The following EXOC6B variants were observed in gnomAD, a reference collection of about 807,000 sequenced individuals.
The protein encoded by EXOC6B is exocyst complex component 6B, also known as SEC15 homolog B.
Under a neutral mutation model 113.5 loss-of-function variants are expected in EXOC6B, and 54 were observed. That is an observed-to-expected ratio of 0.48 (90% CI 0.38 to 0.60). The LOEUF (loss-of-function observed/expected upper bound fraction) is 0.60. EXOC6B is among the 20% of genes least tolerant of loss of function. The pLI, the probability that EXOC6B is intolerant of heterozygous loss-of-function variation, is 0.00. For missense variants in EXOC6B, 797 were observed against 977.5 expected (o/e 0.82, Z 2.46); for synonymous variants, 357 against 339.0 (o/e 1.05, Z -0.58).
chr2:72,191,984 A>G (rs1678867464), intron 20 of EXOC6B, among the ~76,000 whole-genome samples: 1 of 152,174 alleles, frequency 6.6e-6, no homozygotes, highest in African/African-American at 2.4e-5. Flanking sequence ...CAGAAAATAG[A>G]AATATGGAGC....
intron 6 of EXOC6B, among the ~76,000 whole-genome samples, chr2:72,674,180 A>T (rs1558906142): frequency 6.6e-6 from 1 of 152,176 alleles, no homozygotes; most frequent in South Asian, 2.1e-4. Context: ...TATATCAGTG[A>T]CTTTCACCAG....
chr2:72,397,375 C>A (rs1692792644), intron 18 of EXOC6B, among the ~76,000 whole-genome samples: 1 of 151,986 alleles, frequency 6.6e-6, no homozygotes, highest in Admixed American at 6.6e-5. Flanking sequence ...AATCTCAGCA[C>A]TTTGGGAGGC....
intron 20 of EXOC6B, among the ~76,000 whole-genome samples, chr2:72,307,865 G>T (rs935302365): frequency 3.3e-5 from 5 of 152,054 alleles, no homozygotes; most frequent in African/African-American, 7.2e-5. Flanking sequence ...TTCAATAAAG[G>T]TTAATGGATT....
chr2:72,626,618 T>G (rs1193118967), intron 6 of EXOC6B, among the ~76,000 whole-genome samples: 1 of 152,166 alleles, frequency 6.6e-6, no homozygotes, highest in African/African-American at 2.4e-5. Flanking sequence ...TATACCATCA[T>G]GTTAGTTTCT....
chr2:72,745,373 T>C (rs1681626163), intron 1 of EXOC6B, among the ~76,000 whole-genome samples: 1 of 152,174 alleles, frequency 6.6e-6, no homozygotes, highest in Non-Finnish European at 1.5e-5. Flanking sequence ...CTTAGGACCA[T>C]TATGATTGTA....
At chr2:72,805,428 T>C (rs1288248654) in intron 1 of EXOC6B, among the ~76,000 whole-genome samples, 1 of 152,202 alleles carries the variant, frequency 6.6e-6, no homozygotes, top group East Asian at 1.9e-4. Flanking sequence ...GAACTTTGTA[T>C]ACTAAAAGAG....
intron 20 of EXOC6B, among the ~76,000 whole-genome samples, chr2:72,194,967 T>C (rs1365818306): frequency 1.3e-5 from 2 of 152,310 alleles, no homozygotes; most frequent in East Asian, 1.9e-4. Context: ...TGCAGCTCCC[T>C]GCTTTCCCTG....
At chr2:72,636,072 A>G (rs1351530559) in intron 6 of EXOC6B, among the ~76,000 whole-genome samples, 1 of 152,048 alleles carries the variant, frequency 6.6e-6, no homozygotes, top group African/African-American at 2.4e-5. Context: ...TTCTTTAAAA[A>G]ATTAGTCAGG....
chr2:72,434,221 T>C (rs1695718104), intron 18 of EXOC6B, among the ~76,000 whole-genome samples: 1 of 152,240 alleles, frequency 6.6e-6, no homozygotes, highest in Non-Finnish European at 1.5e-5. Flanking sequence ...GATTTGCATA[T>C]ATTGAACCAG....
intron 18 of EXOC6B, among the ~76,000 whole-genome samples, chr2:72,438,985 T>G (rs2105324376): frequency 6.6e-6 from 1 of 152,224 alleles, no homozygotes; most frequent in South Asian, 2.1e-4. Context: ...TCCAGAAAAG[T>G]TTTCTGATGC....
intron 6 of EXOC6B, among the ~76,000 whole-genome samples, chr2:72,628,687 G>A (rs1355783985): frequency 1.3e-5 from 2 of 152,080 alleles, no homozygotes; most frequent in African/African-American, 2.4e-5. Context: ...GATATGAGAA[G>A]ATGGTAGTCT....
intron 20 of EXOC6B, among the ~76,000 whole-genome samples, chr2:72,202,349 G>A (rs549008908): frequency 1.1e-3 from 175 of 152,320 alleles, no homozygotes; most frequent in Non-Finnish European, 2.3e-3. Context: ...ACTGCCCTTT[G>A]TGAACTTTAA....
At chr2:72,466,473 T>C (rs1317414882) in intron 17 of EXOC6B, among the ~76,000 whole-genome samples, 1 of 152,126 alleles carries the variant, frequency 6.6e-6, no homozygotes, top group African/African-American at 2.4e-5. Context: ...TTAAATTCCA[T>C]TCTTTCCTCC....
chr2:72,341,034 A>G (rs976539294), intron 19 of EXOC6B, among the ~76,000 whole-genome samples: 7 of 152,126 alleles, frequency 4.6e-5, no homozygotes, highest in African/African-American at 1.7e-4. Flanking sequence ...TGGAAGGGAA[A>G]AGCTCCTTGG....
At chr2:72,474,096 C>T (rs983136243) in intron 17 of EXOC6B, among the ~76,000 whole-genome samples, 12 of 152,000 alleles carry the variant, frequency 7.9e-5, no homozygotes, top group African/African-American at 2.9e-4. Context: ...CATCCCATCA[C>T]CTCCTGGCCT....
rs577836365 is a variant in EXOC6B, at chr2:72,196,884, T to C, written c.2197-12697A>G. Among the ~76,000 whole-genome samples the C allele has an allele frequency of 3.3e-5, 5 of 152,318 alleles. No homozygotes were observed. In the South Asian group the frequency reaches 1.0e-3, roughly 32 times the overall value. Reference sequence around the variant, plus strand: ...GATTAAATAAATAGATAAAAAGTGTTCACCAGCATGCTATCTGTCCTTGAG... The same window carrying C: ...GATTAAATAAATAGATAAAAAGTGTCCACCAGCATGCTATCTGTCCTTGAG... On this transcript the variant is annotated intron_variant, in intron 20 of 21. Coordinates refer to ENST00000272427, the MANE Select transcript of EXOC6B (RefSeq NM_015189.3).
intron 1 of EXOC6B, among the ~76,000 whole-genome samples, chr2:72,766,986 C>T (rs1028674399): frequency 6.7e-6 from 1 of 148,240 alleles, no homozygotes; most frequent in South Asian, 2.1e-4. Flanking sequence ...AAAAAAAAAT[C>T]CACATTGAAG....
chr2:72,667,975 A>G (rs1361143350), intron 6 of EXOC6B, among the ~76,000 whole-genome samples: 1 of 152,178 alleles, frequency 6.6e-6, no homozygotes, highest in South Asian at 2.1e-4. Flanking sequence ...TGCATCCAAC[A>G]AAGGTCTAAT....
chr2:72,718,778 G>A (rs777370492), intron 5 of EXOC6B, among the ~76,000 whole-genome samples: 3 of 152,142 alleles, frequency 2.0e-5, no homozygotes, highest in Admixed American at 6.5e-5. Context: ...CCCCGGAGGC[G>A]GAGGTTTCAG....
Sources: allele counts gnomAD v4.1 joint callset (sites outside exome capture counted in the v4.1 genomes callset), GRCh38; gene constraint gnomAD v4.1.1; transcripts MANE v1.5; gene names NCBI Gene and HGNC (gene_info 2026-07-23, HGNC 2026-07-21).